Variants in DHRS3 observed in about 807,000 individuals in gnomAD.
DHRS3 encodes the protein dehydrogenase/reductase 3, also known as short-chain dehydrogenase/reductase 3.
In DHRS3, 14 loss-of-function variants were observed where a neutral mutation model predicts 27.2. The observed-to-expected ratio is 0.52, with a 90% CI of 0.34 to 0.81. The LOEUF is 0.81. DHRS3 is among the 30% of genes least tolerant of loss of function. DHRS3 has a pLI of 0.01. For missense variants in DHRS3, 322 were observed against 406.2 expected, an observed-to-expected ratio of 0.79 and a Z score of 1.78; for synonymous variants, 165 against 175.9, an observed-to-expected ratio of 0.94 and a Z score of 0.49.
chr1:12,584,626 T>C (rs895165456), intron 1 of DHRS3, among the ~76,000 whole-genome samples: 2 of 152,058 alleles, frequency 1.3e-5, no homozygotes, highest in African/African-American at 4.8e-5. Flanking sequence ...TTAACTTCTG[T>C]AAGAGGAGAG....
intron 1 of DHRS3, among the ~76,000 whole-genome samples, chr1:12,615,774 G>A (rs927581973): frequency 3.9e-5 from 6 of 152,146 alleles, no homozygotes; most frequent in Non-Finnish European, 8.8e-5. Context: ...ATGGGGCATC[G>A]CCTCAAGGAA....
intron 1 of DHRS3, among the ~76,000 whole-genome samples, chr1:12,615,299 G>A (rs1003335974): frequency 2.6e-5 from 4 of 152,198 alleles, no homozygotes; most frequent in African/African-American, 7.2e-5. Context: ...AATGGCACTC[G>A]AAGTTTCACA....
At chr1:12,569,916 C>T (rs992653954) in intron 5 of DHRS3, 1 of 152,134 alleles carries the variant, frequency 6.6e-6, no homozygotes, top group Admixed American at 6.6e-5. Flanking sequence ...CTATAGTCAC[C>T]CTGCTGTGCT....
Position 12,591,532 on chromosome 1 carries a change from G to A in DHRS3, c.196-10866C>T, listed in dbSNP as rs1278673699. On this transcript the variant is annotated intron_variant, in intron 1 of 5. Transcript: ENST00000616661. This position sits in a 1 kb window ranked among gnomAD's most constrained non-coding sequence, Gnocchi z 4.1. The stretch of plus-strand genomic sequence containing the variant: ...GGGCAGAGACTTCCTCCAGGCGGAC[G>A]TCCAGCCTGGAACTGGCCCGCTTGG... 6.6e-6 allele frequency among the ~76,000 whole-genome samples: 1 copy of A among 152,246 alleles called. No homozygotes were observed. The highest frequency in any genetic ancestry group is 1.5e-5 in the Non-Finnish European group (1 of 68,046).
chr1:12,589,391 C>CTTTTTTTTTTTTTTTTTT (rs70987258), intron 1 of DHRS3, among the ~76,000 whole-genome samples: 2 of 136,416 alleles, frequency 1.5e-5, no homozygotes, highest in Admixed American at 7.4e-5. Flanking sequence ...TTTTCTTTTT[C>CTTTTTTTTTTTTTTTTTT]TTTTTTTTTT....
intron 1 of DHRS3, among the ~76,000 whole-genome samples, chr1:12,605,869 G>A (rs758940042): frequency 6.6e-6 from 1 of 152,106 alleles, no homozygotes; most frequent in African/African-American, 2.4e-5. Context: ...GGCTAGGTGC[G>A]GTGCCTCACA....
chr1:12,616,333 A>G (rs1646944139), intron 1 of DHRS3, among the ~76,000 whole-genome samples: 1 of 151,918 alleles, frequency 6.6e-6, no homozygotes, highest in African/African-American at 2.4e-5. Flanking sequence ...CTGGGCTGGG[A>G]GTTGGGTGAC....
rs1467807725 is a variant in DHRS3 at position 12,594,088 on chromosome 1, C to A, written c.196-13422G>T. 1.3e-5 allele frequency among the ~76,000 whole-genome samples: 2 copies of A among 152,110 alleles called. No individual in the cohort carries two copies. Among genetic ancestry groups the A allele is most frequent in the Non-Finnish European group, 2.9e-5 (2 of 68,024 alleles). On this transcript the variant is annotated intron_variant, in intron 1 of 5. Coordinates refer to ENST00000616661, the MANE Select transcript of DHRS3 (RefSeq NM_004753.7). This position sits in a 1 kb window ranked among gnomAD's most constrained non-coding sequence, Gnocchi z 4.1. Reference sequence around the variant, plus strand: ...CTGGGTGACCTTGGGGTGGGGGTGCCAAGGAGAGGAGGGAGGAGCCAGCAT... The same window carrying A: ...CTGGGTGACCTTGGGGTGGGGGTGCAAAGGAGAGGAGGGAGGAGCCAGCAT...
intron 1 of DHRS3, among the ~76,000 whole-genome samples, chr1:12,595,737 TG>T (rs1324272701): frequency 8.6e-6 from 1 of 116,376 alleles, no homozygotes; most frequent in Non-Finnish European, 1.8e-5. Context: ...TGGGACAGGC[TG>T]GGGGCTGTGG....
chr1:12,597,981 A>T (rs1209018696), intron 1 of DHRS3, among the ~76,000 whole-genome samples: 1 of 152,218 alleles, frequency 6.6e-6, no homozygotes, highest in African/African-American at 2.4e-5. Context: ...CCTCGTGCCA[A>T]GTCACAAGCC....
At chr1:12,611,464 C>T (rs916377237) in intron 1 of DHRS3, among the ~76,000 whole-genome samples, 1 of 152,246 alleles carries the variant, frequency 6.6e-6, no homozygotes, top group Non-Finnish European at 1.5e-5. Flanking sequence ...TGGCAGACAG[C>T]TACCTGTTGA....
intron 1 of DHRS3, among the ~76,000 whole-genome samples, chr1:12,615,846 C>T (rs1389359268): frequency 2.0e-5 from 3 of 152,208 alleles, no homozygotes; most frequent in African/African-American, 7.2e-5. Flanking sequence ...GTTAAAAACG[C>T]TTCCCAACTC....
intron 2 of DHRS3, chr1:12,579,660 G>C (rs1646626598): frequency 2.5e-6 from 1 of 397,708 alleles, no homozygotes; most frequent in Non-Finnish European, 4.5e-6. Context: ...ATTTTTAGTA[G>C]AGATGGGGTT....
chr1:12,606,777 G>A (rs1646874810), intron 1 of DHRS3, among the ~76,000 whole-genome samples: 1 of 152,092 alleles, frequency 6.6e-6, no homozygotes, highest in African/African-American at 2.4e-5. Context: ...TTACAGGTGT[G>A]AGCCACCGTG....
intron 1 of DHRS3, among the ~76,000 whole-genome samples, chr1:12,612,073 T>C (rs1420650173): frequency 1.3e-5 from 2 of 152,028 alleles, no homozygotes; most frequent in East Asian, 3.9e-4. Context: ...AAGAAGGAGA[T>C]GTTTGTTTAT....
At chr1:12,590,554 C>G (rs1646737003) in intron 1 of DHRS3, among the ~76,000 whole-genome samples, 1 of 152,128 alleles carries the variant, frequency 6.6e-6, no homozygotes, top group African/African-American at 2.4e-5. Flanking sequence ...AGGTGATCCA[C>G]CTGCCTCGGC....
At chr1:12,582,765 T>C (rs976303431) in intron 1 of DHRS3, among the ~76,000 whole-genome samples, 1 of 151,878 alleles carries the variant, frequency 6.6e-6, no homozygotes, top group Non-Finnish European at 1.5e-5. Flanking sequence ...TGTCCATCCG[T>C]CCACTCTCCC....
intron 1 of DHRS3, among the ~76,000 whole-genome samples, chr1:12,607,913 T>G (rs568355207): frequency 3.3e-5 from 5 of 152,146 alleles, no homozygotes; most frequent in Non-Finnish European, 5.9e-5. Context: ...AGTCTTGCTC[T>G]GTTGCCCAGG....
rs1646571200 is a variant in DHRS3 at position 12,574,820 on chromosome 1, T to C, written c.699-1967A>G. Among the ~76,000 whole-genome samples the C allele has an allele frequency of 6.6e-6, 1 of 152,214 alleles. No individual in the cohort carries two copies. The highest frequency in any genetic ancestry group is 1.5e-5 in the Non-Finnish European group (1 of 68,040). ...GAACTGGCACAGCTATTAACTCCCATGGAAGCAGTGCAAATTCGTGGAAGA... is the reference window on the plus strand; with the variant it reads ...GAACTGGCACAGCTATTAACTCCCACGGAAGCAGTGCAAATTCGTGGAAGA... On this transcript the variant is annotated intron_variant, in intron 4 of 5. Transcript: ENST00000616661. This position sits in a 1 kb window ranked among gnomAD's most constrained non-coding sequence, Gnocchi z 4.6.
Sources: gnomAD v4.1 joint callset for allele counts (sites outside exome capture counted in the v4.1 genomes callset) on GRCh38, gnomAD v4.1.1 for gene constraint, Gnocchi (gnomAD v3.1) non-coding constraint, MANE v1.5 for transcripts, NCBI Gene and HGNC (gene_info 2026-07-23, HGNC 2026-07-21) for gene names.